The following TDRD5 variants were observed in gnomAD, a reference collection of about 807,000 sequenced individuals.
TDRD5 encodes the protein tudor domain-containing protein 5.
In TDRD5, 41 loss-of-function variants were observed where a neutral mutation model predicts 120.6. The ratio of observed to expected loss-of-function variants is 0.34; its 90% CI spans 0.26 to 0.44. The LOEUF (loss-of-function observed/expected upper bound fraction) is 0.44, where lower values mean the gene tolerates loss of function less well. Among genes scored for constraint, TDRD5 ranks in the 20% least tolerant of loss-of-function variants. The pLI is 1.00. For missense variants in TDRD5, 1,006 were observed against 1,221.2 expected, an observed-to-expected ratio of 0.82 and a Z score of 2.63; for synonymous variants, 430 against 433.7, an observed-to-expected ratio of 0.99 and a Z score of 0.11.
At chr1:179,613,243 A>G (rs145587562) in intron 4 of TDRD5, among the ~76,000 whole-genome samples, 323 of 152,308 alleles carry the variant, frequency 2.1e-3, no homozygotes, top group African/African-American at 6.9e-3. Flanking sequence ...AGTATCCTTC[A>G]TAAATAATTG....
chr1:179,592,892 C>T, intron 2 of TDRD5, 45 bp downstream of exon 2: 2 of 1,548,298 alleles, frequency 1.3e-6, no homozygotes, highest in South Asian at 1.1e-5. Flanking sequence ...GTAATAAAAA[C>T]AATTGCTTAG....
rs1679409492 is a variant in TDRD5, at chr1:179,663,415, G to A, written c.2573G>A (p.Gly858Glu). The A allele has an allele frequency of 6.2e-7, 1 of 1,613,834 alleles. No individual in the cohort carries two copies. The highest frequency in any genetic ancestry group is 1.3e-5 in the African/African-American group (1 of 75,010). ...TGGCAGCCTTCAGGCCTTGTAAATG[G>A]AACGAAAGTAGAAGTTCATAAGCCA... ...DSWQPSGLVN[G>E]TKVEVHKPEV... Residue 858 changes from glycine (G) to glutamate (E), a missense_variant, in exon 16 of 18, where the codon GGA becomes GAA. Gly to Glu is a moderately conservative substitution (Grantham distance 98). This residue lies in a region of TDRD5 where 403 missense variants were observed against 448.1 expected (regional missense o/e 0.90). Coordinates refer to ENST00000444136, the MANE Select transcript of TDRD5 (RefSeq NM_001199085.3).
chr1:179,626,170 A>G (rs1677120450), intron 6 of TDRD5, among the ~76,000 whole-genome samples: 1 of 152,166 alleles, frequency 6.6e-6, no homozygotes, highest in Non-Finnish European at 1.5e-5. Flanking sequence ...ATATGTAACT[A>G]ACCTGCACAA....
chr1:179,606,470 T>C (rs1429490741), intron 4 of TDRD5, among the ~76,000 whole-genome samples: 1 of 152,130 alleles, frequency 6.6e-6, no homozygotes, highest in Non-Finnish European at 1.5e-5. Flanking sequence ...ATTTCTTTCA[T>C]GTATTGTGCC....
At chr1:179,667,115 C>T (rs1000708481) in intron 16 of TDRD5, among the ~76,000 whole-genome samples, 1 of 152,220 alleles carries the variant, frequency 6.6e-6, no homozygotes, top group African/African-American at 2.4e-5. Context: ...GTCTAGCAAG[C>T]TTCCAACTAA....
At chr1:179,630,729 T>G in intron 6 of TDRD5, 38 bp from the exon 7 acceptor site, 1 of 1,600,270 alleles carries the variant, frequency 6.2e-7, no homozygotes, top group Non-Finnish European at 8.5e-7. Context: ...ATCTGTTATC[T>G]AATGCTGTTT....
rs903453874 is a variant in TDRD5 at position 179,640,572 on chromosome 1, G to C, written c.1800+127G>C. On this transcript the variant is annotated intron_variant, in intron 11 of 17. Coordinates refer to ENST00000444136, the MANE Select transcript of TDRD5 (RefSeq NM_001199085.3). ...CAGCCTTCAAAGAAGTCAGTGTATA[G>C]AGTATGGAAAATAGACATGTAGACA... The C allele has an allele frequency of 1.5e-4, 144 of 989,218 alleles. 1 individual carries two copies. The highest frequency in any genetic ancestry group is 1.3e-3 in the Middle Eastern group (6 of 4,784). 61.3% of individuals were successfully genotyped at this position (989,218 alleles called of 1,614,324 possible). A position where few individuals can be genotyped will look rare whatever the true frequency, so the allele number is the denominator to read the frequency against.
chr1:179,633,777 A>T (rs1202317319), intron 7 of TDRD5, among the ~76,000 whole-genome samples: 3 of 152,234 alleles, frequency 2.0e-5, no homozygotes, highest in Non-Finnish European at 4.4e-5. Flanking sequence ...AAGTAGTTAC[A>T]TACAGTCTAC....
intron 6 of TDRD5, among the ~76,000 whole-genome samples, chr1:179,626,006 T>C (rs1034951671): frequency 2.0e-5 from 3 of 151,804 alleles, no homozygotes; most frequent in African/African-American, 4.8e-5. Context: ...TAGGTGGGAA[T>C]TGAACAATGA....
chr1:179,668,915 T>A (rs529788347), intron 16 of TDRD5, among the ~76,000 whole-genome samples: 80 of 152,012 alleles, frequency 5.3e-4, no homozygotes, highest in African/African-American at 1.9e-3. Flanking sequence ...GCTAATTTTT[T>A]TTGTGTTTTT....
intron 4 of TDRD5, among the ~76,000 whole-genome samples, chr1:179,617,451 C>T (rs888956095): frequency 6.6e-6 from 1 of 152,054 alleles, no homozygotes; most frequent in Non-Finnish European, 1.5e-5. Context: ...CTTCATTTTT[C>T]AGGTGAAGAA....
chr1:179,628,409 C>T (rs544954905), intron 6 of TDRD5, among the ~76,000 whole-genome samples: 2 of 142,206 alleles, frequency 1.4e-5, no homozygotes, highest in African/African-American at 5.3e-5. Context: ...TAGCTCACTG[C>T]AGCCTCAGCC....
intron 16 of TDRD5, among the ~76,000 whole-genome samples, chr1:179,667,273 G>T (rs1241939310): frequency 6.6e-6 from 1 of 152,218 alleles, no homozygotes; most frequent in Non-Finnish European, 1.5e-5. Flanking sequence ...GTGAAATTCA[G>T]AGTGAAAGCT....
chr1:179,623,676 C>G (rs1327468765), intron 6 of TDRD5, among the ~76,000 whole-genome samples: 1 of 146,210 alleles, frequency 6.8e-6, no homozygotes, highest in Admixed American at 6.8e-5. Context: ...CACTGTCACC[C>G]AGGCTGGAGT....
intron 3 of TDRD5, among the ~76,000 whole-genome samples, chr1:179,594,888 A>G (rs1385914157): frequency 6.6e-6 from 1 of 152,212 alleles, no homozygotes; most frequent in African/African-American, 2.4e-5. Context: ...ACTAACTCAT[A>G]CTATTACACT....
intron 7 of TDRD5, among the ~76,000 whole-genome samples, chr1:179,632,320 A>G (rs1353506170): frequency 6.6e-6 from 1 of 152,094 alleles, no homozygotes; most frequent in Non-Finnish European, 1.5e-5. Context: ...TCCAATGGCA[A>G]CACCTCGCAA....
intron 16 of TDRD5, among the ~76,000 whole-genome samples, chr1:179,665,455 A>G (rs1333196124): frequency 1.3e-5 from 2 of 152,142 alleles, no homozygotes; most frequent in African/African-American, 4.8e-5. Flanking sequence ...ATTCTTTTGC[A>G]TGTGGACATT....
chr1:179,599,515 T>C (rs1675581554), intron 4 of TDRD5, among the ~76,000 whole-genome samples: 1 of 152,030 alleles, frequency 6.6e-6, no homozygotes, highest in African/African-American at 2.4e-5. Flanking sequence ...GATATAGGGC[T>C]ATTTTGTATT....
chr1:179,682,487 GT>G (rs1558429312), intron 17 of TDRD5, among the ~76,000 whole-genome samples: 1 of 152,072 alleles, frequency 6.6e-6, no homozygotes, highest in Non-Finnish European at 1.5e-5. Context: ...GTGAGAACAT[GT>G]GGTGTTTGGC....
Sources: gnomAD v4.1 joint callset for allele counts (sites outside exome capture counted in the v4.1 genomes callset) on GRCh38, gnomAD v4.1.1 for gene constraint, gnomAD v4.1.1 regional missense constraint, MANE v1.5 for transcripts, NCBI Gene and HGNC (gene_info 2026-07-23, HGNC 2026-07-21) for gene names.